The following PBRM1 variants were observed in gnomAD, a reference collection of about 807,000 sequenced individuals.
PBRM1 encodes polybromo 1.
In PBRM1, 27 loss-of-function variants were observed where a neutral mutation model predicts 194.5. The observed-to-expected ratio is 0.14, with a 90% CI of 0.10 to 0.19. PBRM1 has a LOEUF of 0.19. Among genes scored for constraint, PBRM1 ranks in the 10% least tolerant of loss-of-function variants. The pLI is 1.00. For missense variants in PBRM1, 1,466 were observed against 2,077.2 expected (o/e 0.71, Z 5.72); for synonymous variants, 655 against 693.2 (o/e 0.94, Z 0.87).
At chr3:52,546,698 T>C (rs1218108076), downstream of PBRM1, 2 of 232,608 alleles carry the variant, frequency 8.6e-6, no homozygotes, top group Non-Finnish European at 1.7e-5. Context: ...TGCCGCCAAG[T>C]GAAACAATGT....
At chr3:52,630,481 T>C (rs988570614) in intron 11 of PBRM1, among the ~76,000 whole-genome samples, 5 of 152,360 alleles carry the variant, frequency 3.3e-5, no homozygotes, top group East Asian at 3.9e-4. Context: ...TAGCCACATA[T>C]GACTAGTGTC....
At chr3:52,647,847 C>T (rs953752985) in intron 7 of PBRM1, among the ~76,000 whole-genome samples, 12 of 151,874 alleles carry the variant, frequency 7.9e-5, no homozygotes, top group Admixed American at 4.6e-4. Context: ...ACATAAAGGG[C>T]GACTGTTAAT....
At chr3:52,647,711 G>T (rs531032378) in intron 7 of PBRM1, among the ~76,000 whole-genome samples, 1 of 151,728 alleles carries the variant, frequency 6.6e-6, no homozygotes, top group Admixed American at 6.6e-5. Context: ...TACGCTAACT[G>T]AAGGAATCTA....
chr3:52,579,229 GTAGT>G (rs1334124753), intron 20 of PBRM1, 30 bp from the exon 23 acceptor site: 1 of 1,601,220 alleles, frequency 6.2e-7, no homozygotes, highest in African/African-American at 1.3e-5. Flanking sequence ...CTGAAGAAAG[GTAGT>G]TGATAATCAA....
At chr3:52,600,352 C>T (rs889383661) in intron 17 of PBRM1, among the ~76,000 whole-genome samples, 2 of 152,158 alleles carry the variant, frequency 1.3e-5, no homozygotes, top group Non-Finnish European at 2.9e-5. Flanking sequence ...TGTTACCAAG[C>T]TTTGCTCATT....
intron 9 of PBRM1, among the ~76,000 whole-genome samples, chr3:52,642,544 A>G (rs2096132665): frequency 6.9e-6 from 1 of 144,426 alleles, no homozygotes. Context: ...TGAATCCAGG[A>G]GGCAGAGGTT....
At chr3:52,550,549 G>A (rs2153375825) in exon 29 of PBRM1, 1 of 1,561,104 alleles carries the variant, frequency 6.4e-7, no homozygotes, top group Non-Finnish European at 8.6e-7. Context: ...CATGGGTGTT[G>A]TTGGCTGCTG....
chr3:52,674,789 T>C, intron 2 of PBRM1, among the ~76,000 whole-genome samples: 1 of 150,606 alleles, frequency 6.6e-6, no homozygotes, highest in South Asian at 2.1e-4. Flanking sequence ...ACGTTATATA[T>C]ACAATATATA....
rs2094499612 is a variant in PBRM1, at chr3:52,609,303, G to C, written c.2567+10C>G. The C allele has an allele frequency of 3.1e-6, 5 of 1,600,262 alleles. No homozygotes were observed. In the East Asian group the frequency reaches 1.1e-4, roughly 36 times the overall value. ...ATATCCTCAAAATAAAAATGGCTTT[G>C]AAAACATACCGATTCATCCTTCTTG... On this transcript the variant is annotated intron_variant, in intron 16 of 29. Transcript: ENST00000296302. The surrounding 1 kb of genome is among the most constrained non-coding windows in gnomAD (Gnocchi z 4.1).
At chr3:52,624,104 T>C (rs2095366920) in intron 13 of PBRM1, among the ~76,000 whole-genome samples, 1 of 152,210 alleles carries the variant, frequency 6.6e-6, no homozygotes, top group South Asian at 2.1e-4. Context: ...TAAAGCTATC[T>C]GGGCAATCAT....
At chr3:52,651,434 A>G (rs527545131) in intron 6 of PBRM1, among the ~76,000 whole-genome samples, 1 of 152,274 alleles carries the variant, frequency 6.6e-6, no homozygotes, top group South Asian at 2.1e-4. Flanking sequence ...AATTTCATGT[A>G]CCCCATAAAT....
At position 52,563,663 on chromosome 3, in the gene PBRM1, T is replaced by TA. The variant is rs1426603644; in HGVS notation, c.3876-171dup. ...GTGTATTTATGAAATTACTTGTACTTAGAGATGCTTGTTTTTAAATAATTA... is the reference window on the plus strand; with the variant it reads ...GTGTATTTATGAAATTACTTGTACTTAAGAGATGCTTGTTTTTAAATAATTA... On this transcript the variant is annotated intron_variant, in intron 23 of 29. Coordinates refer to ENST00000296302, the Ensembl canonical transcript of PBRM1. 5.0e-4 allele frequency among the ~76,000 whole-genome samples: 76 copies of TA among 151,708 alleles called. 1 individual carries two copies. Among genetic ancestry groups the TA allele is most frequent in the Admixed American group, 2.6e-3 (40 of 15,160 alleles).
chr3:52,618,874 C>G (rs983305449), intron 13 of PBRM1, among the ~76,000 whole-genome samples: 1 of 152,122 alleles, frequency 6.6e-6, no homozygotes, highest in Admixed American at 6.5e-5. Context: ...GCCTCAGCCT[C>G]CCGAGTAGCT....
intron 17 of PBRM1, among the ~76,000 whole-genome samples, chr3:52,594,797 GAAA>G (rs756606328): frequency 2.0e-5 from 3 of 152,102 alleles, no homozygotes; most frequent in Non-Finnish European, 2.9e-5. Flanking sequence ...TCTGCTTGAG[GAAA>G]AAGGACTCTA....
chr3:52,639,548 T>C (rs1307890950), intron 10 of PBRM1, among the ~76,000 whole-genome samples: 1 of 151,784 alleles, frequency 6.6e-6, no homozygotes, highest in Admixed American at 6.6e-5. Context: ...CTGGAGTAGC[T>C]ACATATGGCT....
chr3:52,634,823 G>GAAAA lies in PBRM1; in HGVS notation c.1088-9_1088-8insTTTT. The stretch of plus-strand genomic sequence containing the variant: ...CCTCTTCATAGCGTGCAGCTGGAAA[G>GAAAA]ACAAAAAAAGTATTTATAAAGGGAC... On this transcript the variant is annotated splice_polypyrimidine_tract_variant and intron_variant, in intron 10 of 29. Transcript: ENST00000296302. 6.3e-7 allele frequency: 1 copy of GAAAA among 1,592,018 alleles called. No individual in the cohort carries two copies. Among genetic ancestry groups the GAAAA allele is most frequent in the African/African-American group, 1.4e-5 (1 of 73,884 alleles).
At chr3:52,641,584 ACAAGC>A (rs2096087841) in intron 10 of PBRM1, among the ~76,000 whole-genome samples, 1 of 152,146 alleles carries the variant, frequency 6.6e-6, no homozygotes, top group Non-Finnish European at 1.5e-5. Flanking sequence ...TAAGAGAAAG[ACAAGC>A]CAAGAAGAAA....
chr3:52,661,764 CCTCA>C (rs1165053222), intron 4 of PBRM1, among the ~76,000 whole-genome samples: 1 of 152,222 alleles, frequency 6.6e-6, no homozygotes, highest in East Asian at 1.9e-4. Context: ...CAGAAATATT[CCTCA>C]CTAAGGTGAT....
exon 11 of PBRM1, chr3:52,634,730 G>A (rs988893561): frequency 1.2e-6 from 2 of 1,613,652 alleles, no homozygotes; most frequent in Non-Finnish European, 1.7e-6. Flanking sequence ...TCCTAACTGT[G>A]TCATAAAGCT....
Sources: gnomAD v4.1 joint callset for allele counts (sites outside exome capture counted in the v4.1 genomes callset) on GRCh38, gnomAD v4.1.1 for gene constraint, Gnocchi (gnomAD v3.1) non-coding constraint, MANE v1.5 for transcripts, NCBI Gene and HGNC (gene_info 2026-07-23, HGNC 2026-07-21) for gene names.